TMEM132D: variants seen among roughly 807,000 people sequenced by gnomAD.
TMEM132D encodes transmembrane protein 132D.
A neutral mutation model predicts 62.3 loss-of-function variants in TMEM132D; 21 were observed. That is an observed-to-expected ratio of 0.34 (90% CI 0.24 to 0.49). The LOEUF (loss-of-function observed/expected upper bound fraction) is 0.49. TMEM132D is among the 20% of genes least tolerant of loss of function. The probability of loss-of-function intolerance (pLI) is 0.99; values close to 1 mark genes in which losing one functional copy is unlikely to be tolerated. For missense variants in TMEM132D, 1,346 were observed against 1,402.8 expected (o/e 0.96, Z 0.65); for synonymous variants, 621 against 575.6 (o/e 1.08, Z -1.13).
chr12:129,795,519 A>G (rs1394698308), intron 1 of TMEM132D, among the ~76,000 whole-genome samples: 1 of 152,214 alleles, frequency 6.6e-6, no homozygotes, highest in East Asian at 1.9e-4. Flanking sequence ...GGCCCCACCT[A>G]CAAACATCCT....
Position 129,337,772 on chromosome 12 carries a change from C to A in TMEM132D, c.1161G>T (p.Val387=). 1 of 1,614,012 alleles carries A rather than the reference C, an allele frequency of 6.2e-7. No individual in the cohort carries two copies. The highest frequency in any genetic ancestry group is 8.5e-7 in the Non-Finnish European group (1 of 1,179,948). The change falls in exon 4 of 9, where the codon GTG becomes GTT. Residue 387 remains valine (V), a synonymous_variant. Coordinates refer to ENST00000422113, the MANE Select transcript of TMEM132D (RefSeq NM_133448.3). ...SYEVMQIDVE[V]EEPGDLPATQ... Reference sequence around the variant, plus strand: ...TGGCTGGCAGGTCACCAGGCTCTTCCACCTCCACATCGATCTGCATGACCT... The same window carrying A: ...TGGCTGGCAGGTCACCAGGCTCTTCAACCTCCACATCGATCTGCATGACCT...
At chr12:129,278,421 G>A (rs1402860913) in intron 4 of TMEM132D, among the ~76,000 whole-genome samples, 2 of 152,108 alleles carry the variant, frequency 1.3e-5, no homozygotes, top group African/African-American at 4.8e-5. Context: ...GAGAAGCAAG[G>A]AAGCGACTGG....
At chr12:129,594,617 C>T (rs891240658) in intron 2 of TMEM132D, among the ~76,000 whole-genome samples, 5 of 152,194 alleles carry the variant, frequency 3.3e-5, no homozygotes, top group Non-Finnish European at 7.3e-5. Flanking sequence ...TGGTAGCAAG[C>T]AGTCATACTT....
intron 1 of TMEM132D, among the ~76,000 whole-genome samples, chr12:129,788,277 T>C (rs549545794): frequency 6.6e-6 from 1 of 152,362 alleles, no homozygotes; most frequent in East Asian, 1.9e-4. Context: ...AACCTACTAT[T>C]GCCTGTGATC....
At chr12:129,427,420 G>T (rs539036054) in intron 3 of TMEM132D, among the ~76,000 whole-genome samples, 4 of 148,042 alleles carry the variant, frequency 2.7e-5, no homozygotes, top group Non-Finnish European at 4.5e-5. Context: ...GTCGGGGGAG[G>T]GGGCAGGGAT....
At chr12:129,784,834 G>A (rs945165819) in intron 1 of TMEM132D, among the ~76,000 whole-genome samples, 6 of 152,096 alleles carry the variant, frequency 3.9e-5, no homozygotes, top group Admixed American at 2.0e-4. Context: ...GTCCATACAT[G>A]GTGAGGAAGC....
intron 1 of TMEM132D, among the ~76,000 whole-genome samples, chr12:129,821,963 T>A (rs1872551353): frequency 6.6e-6 from 1 of 152,158 alleles, no homozygotes; most frequent in Non-Finnish European, 1.5e-5. Context: ...TCCTGCTGTA[T>A]GCTGGGCACC....
intron 3 of TMEM132D, among the ~76,000 whole-genome samples, chr12:129,383,485 T>C (rs1233039676): frequency 2.0e-5 from 3 of 152,188 alleles, no homozygotes; most frequent in African/African-American, 7.2e-5. Flanking sequence ...AGTCTTGCTC[T>C]GTTGCCCAGG....
At chr12:129,663,817 G>A (rs1880305541) in intron 2 of TMEM132D, among the ~76,000 whole-genome samples, 1 of 152,298 alleles carries the variant, frequency 6.6e-6, no homozygotes, top group South Asian at 2.1e-4. Context: ...AAAATACGCT[G>A]CTTTGCATTA....
chr12:129,583,043 T>G (rs1877922030), intron 2 of TMEM132D, among the ~76,000 whole-genome samples: 1 of 151,650 alleles, frequency 6.6e-6, no homozygotes, highest in Non-Finnish European at 1.5e-5. Flanking sequence ...CTCCTGACTT[T>G]GTGATCTGCC....
At chr12:129,674,704 T>A (rs1433587664) in intron 2 of TMEM132D, among the ~76,000 whole-genome samples, 8 of 152,116 alleles carry the variant, frequency 5.3e-5, no homozygotes, top group Admixed American at 5.2e-4. Context: ...CACACCTGGC[T>A]AATTTTTTGT....
At chr12:129,723,888 C>T (rs779276460) in intron 1 of TMEM132D, among the ~76,000 whole-genome samples, 14 of 152,214 alleles carry the variant, frequency 9.2e-5, no homozygotes, top group Non-Finnish European at 1.9e-4. Flanking sequence ...TGCCAAGCTG[C>T]ATAACGCCTG....
At chr12:129,796,244 T>A (rs1871557366) in intron 1 of TMEM132D, among the ~76,000 whole-genome samples, 1 of 152,170 alleles carries the variant, frequency 6.6e-6, no homozygotes, top group Non-Finnish European at 1.5e-5. Flanking sequence ...TTGGGCTAAA[T>A]CTTTTTTGGG....
intron 2 of TMEM132D, among the ~76,000 whole-genome samples, chr12:129,675,501 G>A (rs1338095700): frequency 6.6e-6 from 1 of 151,968 alleles, no homozygotes; most frequent in Non-Finnish European, 1.5e-5. Context: ...GTAACAAACC[G>A]GCACATTCTG....
intron 2 of TMEM132D, among the ~76,000 whole-genome samples, chr12:129,697,597 T>C (rs185505289): frequency 2.6e-5 from 4 of 152,364 alleles, no homozygotes; most frequent in African/African-American, 9.6e-5. Flanking sequence ...ATTTTTCAAA[T>C]TGAATTGACA....
chr12:129,639,281 G>A (rs538815513), intron 2 of TMEM132D, among the ~76,000 whole-genome samples: 2 of 151,264 alleles, frequency 1.3e-5, no homozygotes, highest in South Asian at 2.1e-4. Context: ...TACTCGGGAG[G>A]CTGAGGCAGG....
In TMEM132D at chr12:129,903,404, C is replaced by T; in HGVS notation, c.-65G>A. The stretch of plus-strand genomic sequence containing the variant: ...CGTCCAGGCGAACAAGAGACCGTCT[C>T]AGTCCCCTAGAGGCCCGCAGCGGGG... On this transcript the variant is annotated 5_prime_UTR_variant, in exon 1 of 9. Coordinates refer to ENST00000422113, the MANE Select transcript of TMEM132D (RefSeq NM_133448.3). The surrounding 1 kb of genome is among the most constrained non-coding windows in gnomAD (Gnocchi z 6.2). 6.6e-7 allele frequency: 1 copy of T among 1,519,460 alleles called. No homozygotes were observed. The highest frequency in any genetic ancestry group is 8.9e-7 in the Non-Finnish European group (1 of 1,119,236). 94.1% of individuals were successfully genotyped at this position (1,519,460 alleles called of 1,614,324 possible).
intron 3 of TMEM132D, among the ~76,000 whole-genome samples, chr12:129,363,280 G>A (rs1330363489): frequency 6.6e-6 from 1 of 152,198 alleles, no homozygotes; most frequent in Non-Finnish European, 1.5e-5. Context: ...GCACCTGACA[G>A]CTAAATTGCA....
At chr12:129,267,334 A>G (rs912397916) in intron 4 of TMEM132D, among the ~76,000 whole-genome samples, 2 of 152,208 alleles carry the variant, frequency 1.3e-5, no homozygotes, top group African/African-American at 4.8e-5. Context: ...ACTTCGGCAA[A>G]GTCTCAGGAT....
Sources: gnomAD v4.1 joint callset for allele counts (sites outside exome capture counted in the v4.1 genomes callset) on GRCh38, gnomAD v4.1.1 for gene constraint, Gnocchi (gnomAD v3.1) non-coding constraint, MANE v1.5 for transcripts, NCBI Gene and HGNC (gene_info 2026-07-23, HGNC 2026-07-21) for gene names.